Variants in GPM6A observed in about 807,000 individuals in gnomAD.
The protein encoded by GPM6A is glycoprotein M6A.
A neutral mutation model predicts 32.1 loss-of-function variants in GPM6A; 7 were observed. The observed-to-expected ratio is 0.22, with a 90% confidence interval of 0.12 to 0.41. The LOEUF is 0.41. GPM6A is among the 10% of genes least tolerant of loss of function. The pLI is 1.00. For missense variants in GPM6A, 235 were observed against 347.2 expected, an observed-to-expected ratio of 0.68 and a Z score of 2.57; for synonymous variants, 130 against 123.4, an observed-to-expected ratio of 1.05 and a Z score of -0.35.
At chr4:175,968,688 CAT>C (rs1740405437) in intron 1 of GPM6A, among the ~76,000 whole-genome samples, 1 of 152,132 alleles carries the variant, frequency 6.6e-6, no homozygotes, top group African/African-American at 2.4e-5. Flanking sequence ...TACTCCACAT[CAT>C]ATGTCATTTA....
chr4:175,749,573 T>C lies in GPM6A; in HGVS notation c.38-47806A>G, dbSNP rs144029993. Among the ~76,000 whole-genome samples, 192 of 152,324 alleles carry C rather than the reference T, an allele frequency of 1.3e-3. 1 individual carries two copies. The highest frequency in any genetic ancestry group is 4.3e-3 in the African/African-American group (178 of 41,578). ...TTAAAATGTATAGTAATGTGTTCTT[T>C]GGTATCGTTTATATAACTTACATTT... On this transcript the variant is annotated intron_variant, in intron 1 of 6. Coordinates refer to ENST00000393658, the MANE Select transcript of GPM6A (RefSeq NM_201591.3).
At chr4:175,667,414 A>C (rs1246093401) in intron 3 of GPM6A, among the ~76,000 whole-genome samples, 1 of 152,172 alleles carries the variant, frequency 6.6e-6, no homozygotes, top group Non-Finnish European at 1.5e-5. Flanking sequence ...AGGCCTTTGA[A>C]AACAATGAAA....
chr4:175,673,865 C>T, intron 2 of GPM6A, 29 bp from the exon 3 acceptor site: 2 of 1,521,480 alleles, frequency 1.3e-6, no homozygotes, highest in East Asian at 2.3e-5. Flanking sequence ...TGATTTATTT[C>T]AATAACTTTT....
chr4:175,826,199 C>T (rs1174314429), intron 1 of GPM6A, among the ~76,000 whole-genome samples: 1 of 151,976 alleles, frequency 6.6e-6, no homozygotes, highest in African/African-American at 2.4e-5. Flanking sequence ...TCTTATCATT[C>T]AGTCTCAAAA....
intron 2 of GPM6A, among the ~76,000 whole-genome samples, chr4:175,700,908 G>A (rs767177278): frequency 3.0e-4 from 45 of 152,092 alleles, no homozygotes; most frequent in Non-Finnish European, 5.0e-4. Flanking sequence ...GCAATAAGGA[G>A]CTGAAATTTC....
chr4:175,843,915 G>A (rs74438573), intron 1 of GPM6A, among the ~76,000 whole-genome samples: 243 of 152,236 alleles, frequency 1.6e-3, no homozygotes, highest in African/African-American at 5.5e-3. Flanking sequence ...GGTTAGCCTA[G>A]TTTTAGCAGG....
At chr4:175,918,965 A>G (rs1738582589) in intron 1 of GPM6A, among the ~76,000 whole-genome samples, 1 of 151,992 alleles carries the variant, frequency 6.6e-6, no homozygotes, top group African/African-American at 2.4e-5. Context: ...ATGGAGAAAG[A>G]TTTTTATATA....
chr4:175,914,016 A>G (rs1025407388), intron 1 of GPM6A, among the ~76,000 whole-genome samples: 1 of 152,182 alleles, frequency 6.6e-6, no homozygotes, highest in African/African-American at 2.4e-5. Flanking sequence ...CCAAGGTTGA[A>G]GGCCTGCCTA....
chr4:175,829,527 T>G (rs539724316), intron 1 of GPM6A, among the ~76,000 whole-genome samples: 1 of 151,708 alleles, frequency 6.6e-6, no homozygotes, highest in Non-Finnish European at 1.5e-5. Context: ...TGAAAACGTG[T>G]TTTTCTCACT....
chr4:175,942,545 AT>A (rs1343619425), intron 1 of GPM6A, among the ~76,000 whole-genome samples: 1 of 152,070 alleles, frequency 6.6e-6, no homozygotes, highest in Non-Finnish European at 1.5e-5. Flanking sequence ...TCTTCAGTTA[AT>A]TTTTGTATAA....
chr4:175,945,718 T>C (rs1579651767), intron 1 of GPM6A, among the ~76,000 whole-genome samples: 2 of 146,552 alleles, frequency 1.4e-5, no homozygotes, highest in South Asian at 4.3e-4. Context: ...ATATTACTTA[T>C]AATTAAGTAA....
chr4:175,642,483 A>G (rs1741206181), intron 4 of GPM6A, among the ~76,000 whole-genome samples: 1 of 151,996 alleles, frequency 6.6e-6, no homozygotes, highest in Non-Finnish European at 1.5e-5. Flanking sequence ...CTCCATGGAA[A>G]TTTTCTTATA....
intron 1 of GPM6A, among the ~76,000 whole-genome samples, chr4:175,788,747 A>G (rs1733897646): frequency 6.6e-6 from 1 of 152,208 alleles, no homozygotes; most frequent in African/African-American, 2.4e-5. Flanking sequence ...ATACCAGCCA[A>G]TGATGGGCAA....
At chr4:175,900,775 A>G (rs549799787) in intron 1 of GPM6A, among the ~76,000 whole-genome samples, 1 of 152,302 alleles carries the variant, frequency 6.6e-6, no homozygotes, top group East Asian at 1.9e-4. Context: ...TGCTTGGTAG[A>G]TACCCCAAAT....
intron 1 of GPM6A, among the ~76,000 whole-genome samples, chr4:175,923,432 C>T (rs368774168): frequency 2.7e-5 from 4 of 150,630 alleles, no homozygotes; most frequent in South Asian, 4.3e-4. Flanking sequence ...ATATACCTGC[C>T]TCATCAGCAG....
At chr4:175,947,663 T>A (rs1739653860) in intron 1 of GPM6A, 1 of 152,144 alleles carries the variant, frequency 6.6e-6, no homozygotes, top group East Asian at 1.9e-4. Context: ...TTTCTCCAGA[T>A]GAATGGCTAA....
At chr4:175,775,929 TGACTAGAATATGAAAC>T (rs2111242463) in intron 1 of GPM6A, among the ~76,000 whole-genome samples, 1 of 152,196 alleles carries the variant, frequency 6.6e-6, no homozygotes, top group South Asian at 2.1e-4. Context: ...TATTCTGTGT[TGACTAGAATATGAAAC>T]AGGAAACCTT....
chr4:175,651,141 A>G (rs1741778599), intron 4 of GPM6A, among the ~76,000 whole-genome samples: 1 of 152,156 alleles, frequency 6.6e-6, no homozygotes, highest in South Asian at 2.1e-4. Flanking sequence ...AACTTGGATA[A>G]GTCACTGAAC....
chr4:175,723,407 A>G (rs1746243241), intron 1 of GPM6A, among the ~76,000 whole-genome samples: 2 of 152,042 alleles, frequency 1.3e-5, no homozygotes, highest in Admixed American at 6.6e-5. Context: ...TCCCATTTCA[A>G]CCATTTATTT....
Sources: allele counts gnomAD v4.1 joint callset (sites outside exome capture counted in the v4.1 genomes callset), GRCh38; gene constraint gnomAD v4.1.1; transcripts MANE v1.5; gene names NCBI Gene and HGNC (gene_info 2026-07-23, HGNC 2026-07-21).